The following FBRS variants were observed in gnomAD, a reference collection of about 807,000 sequenced individuals.
FBRS encodes the protein fibrosin, also known as probable fibrosin-1.
A neutral mutation model predicts 86.1 loss-of-function variants in FBRS; 15 were observed. That is an observed-to-expected ratio of 0.17 (90% CI 0.12 to 0.27). The LOEUF (loss-of-function observed/expected upper bound fraction) is 0.27, where lower values mean the gene tolerates loss of function less well. FBRS is among the 10% of genes least tolerant of loss of function. The pLI, the probability that FBRS is intolerant of heterozygous loss-of-function variation, is 1.00. For missense variants in FBRS, 1,367 were observed against 1,301.6 expected, an observed-to-expected ratio of 1.05 and a Z score of -0.77; for synonymous variants, 666 against 575.8, an observed-to-expected ratio of 1.16 and a Z score of -2.24.
In FBRS at chr16:30,669,799, C is replaced by T. The variant is rs1220148161; in HGVS notation, c.*154C>T. On this transcript the variant is annotated 3_prime_UTR_variant, in exon 18 of 18. Transcript: ENST00000356166. This position sits in a 1 kb window ranked among gnomAD's most constrained non-coding sequence, Gnocchi z 5.9. ...ACCTGGGAACAGAAGCCTCAACCCC[C>T]ACAAGACCAAGCATCACATGGAGTG... The T allele has an allele frequency of 3.1e-6, 3 of 962,468 alleles. No homozygotes were observed. Among genetic ancestry groups the T allele is most frequent in the Non-Finnish European group, 4.5e-6 (3 of 668,232 alleles). 59.6% of individuals were successfully genotyped at this position (962,468 alleles called of 1,614,324 possible).
At position 30,664,779 on chromosome 16, in the gene FBRS, G is replaced by A. The variant is rs754986342; in HGVS notation, c.1422G>A (p.Val474=). 14 of 1,553,052 alleles carry A rather than the reference G, an allele frequency of 9.0e-6. No homozygotes were observed. Among genetic ancestry groups the A allele is most frequent in the Non-Finnish European group, 1.2e-5 (14 of 1,147,790 alleles). ...TGAATGCCCAGGGTGGCCCTGAGGTGGTGGGGGCAGGGGGCTCGGCCCGGC... is the reference window on the plus strand; with the variant it reads ...TGAATGCCCAGGGTGGCCCTGAGGTAGTGGGGGCAGGGGGCTCGGCCCGGC... ...RYLNAQGGPE[V]VGAGGSARPL... is the part of the protein sequence containing the mutation. Residue 474 remains valine (V), a synonymous_variant, in exon 8 of 18, where the codon GTG becomes GTA. Coordinates refer to ENST00000356166, the MANE Select transcript of FBRS (RefSeq NM_001105079.3).
chr16:30,669,610 C>T lies in FBRS; in HGVS notation c.2908C>T (p.Pro970Ser). The T allele has an allele frequency of 6.3e-7, 1 of 1,597,824 alleles. No homozygotes were observed. The highest frequency in any genetic ancestry group is 8.6e-7 in the Non-Finnish European group (1 of 1,169,334). ...LVPAPRPSSPPRGPGPARADR is the reference protein window; with the variant it reads ...LVPAPRPSSPSRGPGPARADR ...GCCCGCCCCCCGGCCCAGTTCCCCA[C>T]CTAGGGGCCCTGGCCCAGCTCGGGC... Residue 970 changes from proline to serine, a missense_variant, in exon 18 of 18, where the codon CCT becomes TCT. Pro to Ser is a moderately conservative substitution (Grantham distance 74). Coordinates refer to ENST00000356166, the MANE Select transcript of FBRS (RefSeq NM_001105079.3). The surrounding 1 kb of genome is among the most constrained non-coding windows in gnomAD (Gnocchi z 5.9).
At chr16:30,664,661 C>T in intron 7 of FBRS, 54 bp from the exon 8 acceptor site, 1 of 1,461,128 alleles carries the variant, frequency 6.8e-7, no homozygotes, top group East Asian at 2.5e-5. Context: ...CACCTGGGCC[C>T]AAGGAGGCTG....
intron 4 of FBRS, among the ~76,000 whole-genome samples, chr16:30,661,704 A>G (rs564061274): frequency 4.7e-4 from 71 of 152,244 alleles, no homozygotes; most frequent in East Asian, 9.6e-4. Context: ...CCGCAGATAG[A>G]GTAGTGAGGA....
Position 30,664,425 on chromosome 16 carries a change from CTTGT to C in FBRS, c.1268_1271del (p.Leu423SerfsTer33). The C allele has an allele frequency of 7.1e-7, 1 of 1,401,660 alleles. No homozygotes were observed. The highest frequency in any genetic ancestry group is 9.5e-7 in the Non-Finnish European group (1 of 1,054,484). 86.8% of individuals were successfully genotyped at this position (1,401,660 alleles called of 1,614,324 possible). A position where few individuals can be genotyped will look rare whatever the true frequency, so the allele number is the denominator to read the frequency against. The stretch of plus-strand genomic sequence containing the variant: ...CCCCCCCACCACCCCACCACCCCTC[CTTGT>C]TCTCCCCTGGCCCCACCCTGCCCCC... On this transcript the variant is annotated frameshift_variant, in exon 7 of 18. Coordinates refer to ENST00000356166, the MANE Select transcript of FBRS (RefSeq NM_001105079.3). LOFTEE classifies it high-confidence loss of function.
Position 30,659,639 on chromosome 16 carries a change from G to T in FBRS, c.121G>T (p.Gly41Cys). 1 of 440,368 alleles carries T rather than the reference G, an allele frequency of 2.3e-6. No homozygotes were observed. The highest frequency in any genetic ancestry group is 3.7e-5 in the East Asian group (1 of 26,678). The allele number at this position is 440,368 out of a possible 1,614,324, so 27.3% of individuals were successfully genotyped here. A position where few individuals can be genotyped will look rare whatever the true frequency, so the allele number is the denominator to read the frequency against. ...REQRRRRGPG[G>C]DAPRALLAAP... ...GCAGCGGCGCCGCCGAGGTCCAGGCGGCGACGCGCCCCGGGCCCTGTTGGC... is the reference window on the plus strand; with the variant it reads ...GCAGCGGCGCCGCCGAGGTCCAGGCTGCGACGCGCCCCGGGCCCTGTTGGC... The change falls in exon 1 of 18, where the codon GGC becomes TGC. Residue 41 changes from glycine to cysteine, a missense_variant. Transcript: ENST00000356166.
chr16:30,668,472 G>A, intron 15 of FBRS, 88 bp from the exon 16 acceptor site: 1 of 1,189,566 alleles, frequency 8.4e-7, no homozygotes, highest in African/African-American at 1.5e-5. Flanking sequence ...AGGACTCCAG[G>A]CACCGGTCCT....
At chr16:30,664,187 T>A in intron 6 of FBRS, 28 bp from the exon 7 acceptor site, 1 of 1,133,258 alleles carries the variant, frequency 8.8e-7, no homozygotes, top group Non-Finnish European at 1.1e-6. Flanking sequence ...TCCCAACCCC[T>A]CACTCATCTC....
intron 1 of FBRS, 102 bp from the exon 2 acceptor site, chr16:30,660,161 C>G: frequency 5.7e-6 from 8 of 1,409,864 alleles, no homozygotes; most frequent in Non-Finnish European, 7.4e-6. Flanking sequence ...TCTGGGGACC[C>G]GGTTTCCCGG....
Position 30,660,225 on chromosome 16 carries a change from C to A in FBRS, c.460-38C>A, listed in dbSNP as rs749983944. On this transcript the variant is annotated intron_variant, in intron 1 of 17. Coordinates refer to ENST00000356166, the MANE Select transcript of FBRS (RefSeq NM_001105079.3). ...CCCCTAGAGGGGTTGGGAGCTTGCC[C>A]TTTTCCATCTATCTCAGCCCCACCT... 29 of 1,337,000 alleles carry A rather than the reference C, an allele frequency of 2.2e-5. No individual in the cohort carries two copies. In the South Asian group the frequency reaches 6.0e-4, roughly 27 times the overall value. The allele number at this position is 1,337,000 out of a possible 1,614,324, so 82.8% of individuals were successfully genotyped here.
chr16:30,669,046 C>T lies in FBRS; in HGVS notation c.2367-23C>T, dbSNP rs1021383996. The T allele has an allele frequency of 7.3e-7, 1 of 1,365,160 alleles. No homozygotes were observed. 84.6% of individuals were successfully genotyped at this position (1,365,160 alleles called of 1,614,324 possible). On this transcript the variant is annotated intron_variant, in intron 17 of 17. Transcript: ENST00000356166. This position sits in a 1 kb window ranked among gnomAD's most constrained non-coding sequence, Gnocchi z 5.9. Reference sequence around the variant, plus strand: ...CCTGCTGCCCCTGGAGAACTTCATTCTCTCCCCACGCCTGCCCTCCAGGGA... The same window carrying T: ...CCTGCTGCCCCTGGAGAACTTCATTTTCTCCCCACGCCTGCCCTCCAGGGA...
In FBRS at chr16:30,658,807, C is replaced by G. The variant is rs1331567318; in HGVS notation, c.-712C>G. 6.6e-6 allele frequency: 1 copy of G among 152,132 alleles called. No homozygotes were observed. The highest frequency in any genetic ancestry group is 1.5e-5 in the Non-Finnish European group (1 of 68,044). The allele number at this position is 152,132 out of a possible 1,614,324, so 9.4% of individuals were successfully genotyped here. A position where few individuals can be genotyped will look rare whatever the true frequency, so the allele number is the denominator to read the frequency against. On this transcript the variant is annotated 5_prime_UTR_variant, in exon 1 of 18. Coordinates refer to ENST00000356166, the MANE Select transcript of FBRS (RefSeq NM_001105079.3). ...AGGGGTGGCCACTGAACTCGGCGGA[C>G]TGCAACGCCAGCCTTAAAGGGGAAG...
intron 6 of FBRS, chr16:30,663,088 C>A: frequency 1.2e-6 from 1 of 812,700 alleles, no homozygotes; most frequent in African/African-American, 1.8e-5. Flanking sequence ...CTGGTGAGAA[C>A]GTTTTTTCAG....
At chr16:30,666,240 C>T (rs1240189091) in intron 11 of FBRS, 5 of 584,470 alleles carry the variant, frequency 8.6e-6, no homozygotes, top group Non-Finnish European at 1.5e-5. Context: ...AATAGGAGAG[C>T]TTCTCTGAGA....
intron 6 of FBRS, among the ~76,000 whole-genome samples, chr16:30,663,854 G>T (rs998750111): frequency 1.3e-5 from 2 of 152,244 alleles, no homozygotes; most frequent in African/African-American, 4.8e-5. Flanking sequence ...GGCCAGGCCA[G>T]TGTGGTGCTG....
chr16:30,669,893 G>C lies in FBRS; in HGVS notation c.*248G>C. The C allele has an allele frequency of 3.3e-6, 2 of 614,136 alleles. No homozygotes were observed. Among genetic ancestry groups the C allele is most frequent in the Non-Finnish European group, 5.7e-6 (2 of 353,402 alleles). 38.0% of individuals were successfully genotyped at this position (614,136 alleles called of 1,614,324 possible). A position where few individuals can be genotyped will look rare whatever the true frequency, so the allele number is the denominator to read the frequency against. ...AGAGGGGCGTGTGCATGGGAGTGTGGCTCATCTCGGGGGCCATGGGGCCTC... is the reference window on the plus strand; with the variant it reads ...AGAGGGGCGTGTGCATGGGAGTGTGCCTCATCTCGGGGGCCATGGGGCCTC... On this transcript the variant is annotated 3_prime_UTR_variant, in exon 18 of 18. Coordinates refer to ENST00000356166, the MANE Select transcript of FBRS (RefSeq NM_001105079.3). This position sits in a 1 kb window ranked among gnomAD's most constrained non-coding sequence, Gnocchi z 5.9.
chr16:30,668,788 T>C lies in FBRS; in HGVS notation c.2175T>C (p.Phe725=), dbSNP rs750561710. 1 of 1,600,642 alleles carries C rather than the reference T, an allele frequency of 6.2e-7. No homozygotes were observed. The highest frequency in any genetic ancestry group is 8.5e-7 in the Non-Finnish European group (1 of 1,178,738). The change falls in exon 17 of 18, where the codon TTT becomes TTC. Residue 725 remains phenylalanine, a synonymous_variant. Transcript: ENST00000356166. The stretch of plus-strand genomic sequence containing the variant: ...TCTGCCCAGACTCCGGCGCCGTCTT[T>C]GCCCAGAAAGAAAGCCCAGGGGCCC... ...GSPTFNSGAV[F]AQKESPGAPP... is the part of the protein sequence containing the mutation.
At chr16:30,666,058 G>A in intron 11 of FBRS, 2 of 397,494 alleles carry the variant, frequency 5.0e-6, no homozygotes, top group Non-Finnish European at 9.1e-6. Context: ...GAGAGCCAGA[G>A]CCTCCCTCCC....
chr16:30,659,990 G>A lies in FBRS; in HGVS notation c.459+13G>A, dbSNP rs190927763. ...CGAGGCCTTGCAGGTGGGGCCTAAT[G>A]GGGCTAGGAGACTTTGGGGGTTTCC... is the stretch of plus-strand genomic sequence containing the variant. On this transcript the variant is annotated intron_variant, in intron 1 of 17. Transcript: ENST00000356166. 8.9e-5 allele frequency: 138 copies of A among 1,547,944 alleles called. No homozygotes were observed. The highest frequency in any genetic ancestry group is 5.9e-5 in the Admixed American group (3 of 50,554).
Sources: gnomAD v4.1 joint callset for allele counts (sites outside exome capture counted in the v4.1 genomes callset) on GRCh38, gnomAD v4.1.1 for gene constraint, Gnocchi (gnomAD v3.1) non-coding constraint, MANE v1.5 for transcripts, NCBI Gene and HGNC (gene_info 2026-07-23, HGNC 2026-07-21) for gene names.